Variants in IGSF3 observed in about 807,000 individuals in gnomAD.
The protein encoded by IGSF3 is immunoglobulin superfamily member 3, also known as glu-Trp-Ile EWI motif-containing protein 3.
A neutral mutation model predicts 114.4 loss-of-function variants in IGSF3; 23 were observed. The ratio of observed to expected loss-of-function variants is 0.20; its 90% CI spans 0.14 to 0.28. The LOEUF (loss-of-function observed/expected upper bound fraction) is 0.28, where lower values mean the gene tolerates loss of function less well. Ranked by LOEUF, IGSF3 falls within the 10% of genes least tolerant of loss-of-function variation. The pLI is 1.00. For missense variants in IGSF3, 1,172 were observed against 1,591.5 expected, an observed-to-expected ratio of 0.74 and a Z score of 4.48; for synonymous variants, 571 against 645.2, an observed-to-expected ratio of 0.88 and a Z score of 1.74.
At chr1:116,606,513 G>A in intron 5 of IGSF3, 1 of 1,377,832 alleles carries the variant, frequency 7.3e-7, no homozygotes, top group South Asian at 1.2e-5. Flanking sequence ...TGGGACAGGA[G>A]CTGGTGGTGC....
Position 116,662,742 on chromosome 1 carries a change from T to C in IGSF3, c.43+3542A>G, listed in dbSNP as rs574913031. Among the ~76,000 whole-genome samples the C allele has an allele frequency of 1.4e-4, 21 of 152,310 alleles. No individual in the cohort carries two copies. In the South Asian group the frequency reaches 4.2e-3, roughly 30 times the overall value. The stretch of plus-strand genomic sequence containing the variant: ...ACCTCTGGGACAACTATTAGGACAG[T>C]GGTGTTTGTTCATCCATAAATCACA... On this transcript the variant is annotated intron_variant, in intron 2 of 10. Transcript: ENST00000369486. This position sits in a 1 kb window ranked among gnomAD's most constrained non-coding sequence, Gnocchi z 4.3.
rs902459152 is a variant in IGSF3 at position 116,625,479 on chromosome 1, C to T, written c.44-9022G>A. On this transcript the variant is annotated intron_variant, in intron 2 of 10. Transcript: ENST00000369486. The surrounding 1 kb of genome is among the most constrained non-coding windows in gnomAD (Gnocchi z 4.7). ...GACTGGAGGGCACATCAGTGCCAGGCGGAAAAGGGCACCGAAAGGCACATT... is the reference window on the plus strand; with the variant it reads ...GACTGGAGGGCACATCAGTGCCAGGTGGAAAAGGGCACCGAAAGGCACATT... Among the ~76,000 whole-genome samples, 16 of 152,270 alleles carry T rather than the reference C, an allele frequency of 1.1e-4. No homozygotes were observed. The highest frequency in any genetic ancestry group is 2.9e-4 in the African/African-American group (12 of 41,558).
chr1:116,583,782 T>G lies in IGSF3; in HGVS notation c.2848+863A>C, dbSNP rs938442347. On this transcript the variant is annotated intron_variant, in intron 9 of 10. Transcript: ENST00000369486. The surrounding 1 kb of genome is among the most constrained non-coding windows in gnomAD (Gnocchi z 4.5). ...TGCACATCGTAGCTTTGATTATGTG[T>G]TTAAATGTGCAACAACAATTATACC... Among the ~76,000 whole-genome samples the G allele has an allele frequency of 4.9e-5, 7 of 143,226 alleles. No homozygotes were observed. The highest frequency in any genetic ancestry group is 1.7e-4 in the African/African-American group (7 of 40,864). 94.0% of individuals were successfully genotyped at this position (143,226 alleles called of 152,430 possible). A position where few individuals can be genotyped will look rare whatever the true frequency, so the allele number is the denominator to read the frequency against.
At chr1:116,652,081 G>A (rs909727634) in intron 2 of IGSF3, among the ~76,000 whole-genome samples, 11 of 152,166 alleles carry the variant, frequency 7.2e-5, no homozygotes, top group African/African-American at 1.4e-4. Flanking sequence ...GATCCTGGAC[G>A]TCACTAACTT....
In IGSF3 at chr1:116,600,009, T is replaced by C. The variant is rs140699963; in HGVS notation, c.1961A>G (p.Tyr654Cys). ...CGCCAGTCGCGTCCAGGTGTTGTTG[T>C]AGTTCTTCCGCCACAGCTCTGCCAC... ...QCVAELWRKN[Y>C]NNTWTRLAER... The change falls in exon 7 of 11, where the codon TAC (tyrosine) becomes TGC (cysteine). Residue 654 changes from tyrosine (Y) to cysteine (C), a missense_variant. Around this residue, in one of 3 missense-constraint regions of IGSF3, gnomAD observed 736 missense variants for 1,042.0 expected, o/e 0.71. Transcript: ENST00000369486. This position sits in a 1 kb window ranked among gnomAD's most constrained non-coding sequence, Gnocchi z 5.5. 3.5e-4 allele frequency: 568 copies of C among 1,614,122 alleles called. 1 individual carries two copies. Among genetic ancestry groups the C allele is most frequent in the East Asian group, 1.9e-3 (87 of 44,882 alleles).
At chr1:116,659,549 T>G (rs538489591) in intron 2 of IGSF3, among the ~76,000 whole-genome samples, 1 of 152,194 alleles carries the variant, frequency 6.6e-6, no homozygotes, top group African/African-American at 2.4e-5. Context: ...TGTGTTCACT[T>G]TGAAGCAGTA....
chr1:116,661,233 C>A lies in IGSF3; in HGVS notation c.43+5051G>T, dbSNP rs796575024. Among the ~76,000 whole-genome samples, 1 of 152,142 alleles carries A rather than the reference C, an allele frequency of 6.6e-6. No homozygotes were observed. Among genetic ancestry groups the A allele is most frequent in the Admixed American group, 6.6e-5 (1 of 15,264 alleles). ...GCGTGAACCCAGCAGGCGGAGGTTA[C>A]GGTGAGCCAAGATCGTGCCACTGCA... On this transcript the variant is annotated intron_variant, in intron 2 of 10. Coordinates refer to ENST00000369486, the MANE Select transcript of IGSF3 (RefSeq NM_001007237.3). The surrounding 1 kb of genome is among the most constrained non-coding windows in gnomAD (Gnocchi z 4.0).
In IGSF3 at chr1:116,642,159, T is replaced by C. The variant is rs1336407484; in HGVS notation, c.43+24125A>G. Among the ~76,000 whole-genome samples, 3 of 152,262 alleles carry C rather than the reference T, an allele frequency of 2.0e-5. No individual in the cohort carries two copies. Among genetic ancestry groups the C allele is most frequent in the Non-Finnish European group, 2.9e-5 (2 of 68,016 alleles). On this transcript the variant is annotated intron_variant, in intron 2 of 10. Coordinates refer to ENST00000369486, the MANE Select transcript of IGSF3 (RefSeq NM_001007237.3). The surrounding 1 kb of genome is among the most constrained non-coding windows in gnomAD (Gnocchi z 5.4). ...TCACCCAAAGTTTTACTTTGAAATA[T>C]AGAACATTTCATTTTTTTCCCACAC...
In IGSF3 at chr1:116,650,949, A is replaced by G. The variant is rs1648609415; in HGVS notation, c.43+15335T>C. 6.6e-6 allele frequency among the ~76,000 whole-genome samples: 1 copy of G among 152,228 alleles called. No homozygotes were observed. The highest frequency in any genetic ancestry group is 1.5e-5 in the Non-Finnish European group (1 of 68,036). On this transcript the variant is annotated intron_variant, in intron 2 of 10. Coordinates refer to ENST00000369486, the MANE Select transcript of IGSF3 (RefSeq NM_001007237.3). The surrounding 1 kb of genome is among the most constrained non-coding windows in gnomAD (Gnocchi z 5.0). ...GTTCCACAGATAGGGAGCAGGCCCC[A>G]GGCCAGAGTGCTGGGCTTCTCCCAG...
At position 116,584,956 on chromosome 1, in the gene IGSF3, A is replaced by G. The variant is rs749817700; in HGVS notation, c.2537T>C (p.Ile846Thr). Residue 846 changes from isoleucine (I) to threonine (T), a missense_variant, in exon 9 of 11, where the codon ATA (isoleucine) becomes ACA (threonine). Physicochemically the swap from Ile to Thr is moderately conservative, Grantham distance 89 (BLOSUM62 -1). Around this residue, in one of 3 missense-constraint regions of IGSF3, gnomAD observed 423 missense variants for 509.8 expected, o/e 0.83. Transcript: ENST00000369486. This position sits in a 1 kb window ranked among gnomAD's most constrained non-coding sequence, Gnocchi z 5.8. ...LECVVLNRTS[I>T]TSQLMVEWFV... ...CCATTCCACCATGAGCTGGGAGGTTATGCTGGTGCGGTTGAGAACCACACA... is the reference window on the plus strand; with the variant it reads ...CCATTCCACCATGAGCTGGGAGGTTGTGCTGGTGCGGTTGAGAACCACACA... 6.2e-7 allele frequency: 1 copy of G among 1,611,340 alleles called. No individual in the cohort carries two copies. The highest frequency in any genetic ancestry group is 2.2e-5 in the East Asian group (1 of 44,788).
chr1:116,643,452 C>T (rs750340835), intron 2 of IGSF3, among the ~76,000 whole-genome samples: 3 of 152,266 alleles, frequency 2.0e-5, no homozygotes, highest in Non-Finnish European at 2.9e-5. Flanking sequence ...TGTGTCTGGA[C>T]TCCCAGCTGC....
intron 6 of IGSF3, among the ~76,000 whole-genome samples, chr1:116,601,284 T>C (rs998787708): frequency 6.6e-6 from 1 of 152,194 alleles, no homozygotes; most frequent in African/African-American, 2.4e-5. Flanking sequence ...ACAGAGTTAG[T>C]CTCCAACCAC....
Position 116,584,618 on chromosome 1 carries a change from T to C in IGSF3, c.2848+27A>G. 6.2e-7 allele frequency: 1 copy of C among 1,611,730 alleles called. No individual in the cohort carries two copies. The highest frequency in any genetic ancestry group is 8.5e-7 in the Non-Finnish European group (1 of 1,178,082). On this transcript the variant is annotated intron_variant, in intron 9 of 10. Transcript: ENST00000369486. This position sits in a 1 kb window ranked among gnomAD's most constrained non-coding sequence, Gnocchi z 5.8. ...CTTAAATGGGAAACACCAGAGGGAG[T>C]GGAAGCTTGGGGACGTGGACCCTCA...
intron 4 of IGSF3, among the ~76,000 whole-genome samples, chr1:116,608,867 C>G (rs1021745705): frequency 2.0e-5 from 3 of 152,094 alleles, no homozygotes; most frequent in African/African-American, 7.2e-5. Flanking sequence ...CTCTACCCCC[C>G]GCCATGTGAA....
At chr1:116,658,545 T>A (rs1197513686) in intron 2 of IGSF3, among the ~76,000 whole-genome samples, 1 of 151,264 alleles carries the variant, frequency 6.6e-6, no homozygotes, top group African/African-American at 2.4e-5. Context: ...TCATGGCAAC[T>A]GACTGCAGCA....
At position 116,627,242 on chromosome 1, in the gene IGSF3, G is replaced by A. The variant is rs1052634283; in HGVS notation, c.44-10785C>T. On this transcript the variant is annotated intron_variant, in intron 2 of 10. Coordinates refer to ENST00000369486, the MANE Select transcript of IGSF3 (RefSeq NM_001007237.3). This position sits in a 1 kb window ranked among gnomAD's most constrained non-coding sequence, Gnocchi z 4.7. Reference sequence around the variant, plus strand: ...AGTTCCAGTAAAAGGACCATCACTCGAACCAGTAAGTGCCTCATTCCTTCT... The same window carrying A: ...AGTTCCAGTAAAAGGACCATCACTCAAACCAGTAAGTGCCTCATTCCTTCT... Among the ~76,000 whole-genome samples, 5 of 152,124 alleles carry A rather than the reference G, an allele frequency of 3.3e-5. No individual in the cohort carries two copies. The highest frequency in any genetic ancestry group is 1.9e-4 in the East Asian group (1 of 5,194).
intron 2 of IGSF3, among the ~76,000 whole-genome samples, chr1:116,626,508 T>A (rs1268748033): frequency 6.6e-6 from 1 of 152,162 alleles, no homozygotes; most frequent in African/African-American, 2.4e-5. Flanking sequence ...ACTTTTTTTT[T>A]CTATAACCAA....
Position 116,616,314 on chromosome 1 carries a change from A to C in IGSF3, c.187T>G (p.Ser63Ala), listed in dbSNP as rs1661216694. 13 of 1,612,080 alleles carry C rather than the reference A, an allele frequency of 8.1e-6. No individual in the cohort carries two copies. The South Asian group carries it at 1.4e-4, about 18-fold the overall frequency. ...ATCTGCACCTCTCGCTCTGGCGACG[A>C]AGGCAGGTAAATGGACCACTGGAAA... is the stretch of plus-strand genomic sequence containing the variant. ...QNFQWSIYLP[S>A]SPEREVQIVS... Residue 63 changes from serine to alanine, a missense_variant, in exon 3 of 11, where the codon TCG becomes GCG. Coordinates refer to ENST00000369486, the MANE Select transcript of IGSF3 (RefSeq NM_001007237.3). This position sits in a 1 kb window ranked among gnomAD's most constrained non-coding sequence, Gnocchi z 6.6.
rs568453978 is a variant in IGSF3 at position 116,638,787 on chromosome 1, T to C, written c.44-22330A>G. 1.1e-4 allele frequency among the ~76,000 whole-genome samples: 16 copies of C among 152,266 alleles called. No individual in the cohort carries two copies. In the South Asian group the frequency reaches 3.3e-3, roughly 32 times the overall value. On this transcript the variant is annotated intron_variant, in intron 2 of 10. Coordinates refer to ENST00000369486, the MANE Select transcript of IGSF3 (RefSeq NM_001007237.3). This position sits in a 1 kb window ranked among gnomAD's most constrained non-coding sequence, Gnocchi z 4.1. The stretch of plus-strand genomic sequence containing the variant: ...AGAGTCTTGCCAGGCCCTCCCCTAA[T>C]TGCTCTATATGTGTTACAATGTTTA...
Sources: allele counts gnomAD v4.1 joint callset (sites outside exome capture counted in the v4.1 genomes callset), GRCh38; gene constraint gnomAD v4.1.1; regional missense constraint gnomAD v4.1.1; non-coding constraint Gnocchi (gnomAD v3.1); transcripts MANE v1.5; gene names NCBI Gene and HGNC (gene_info 2026-07-23, HGNC 2026-07-21).